Variants in ACER3 observed in about 807,000 individuals in gnomAD.
ACER3 encodes the protein alkCDase 3.
In ACER3, 16 loss-of-function variants were observed where a neutral mutation model predicts 48.9. The observed-to-expected ratio is 0.33, with a 90% CI of 0.22 to 0.50. ACER3 has a LOEUF of 0.50. Ranked by LOEUF, ACER3 falls within the 20% of genes least tolerant of loss-of-function variation. ACER3 has a pLI of 0.98. For synonymous variants in ACER3, 109 were observed against 107.8 expected (o/e 1.01, Z -0.07); for missense variants, 227 against 326.0 (o/e 0.70, Z 2.34).
At chr11:77,011,529 C>T (rs1273450403) in intron 7 of ACER3, among the ~76,000 whole-genome samples, 1 of 152,150 alleles carries the variant, frequency 6.6e-6, no homozygotes, top group African/African-American at 2.4e-5. Flanking sequence ...CAAATGGGGG[C>T]TATGATAAAC....
intron 3 of ACER3, among the ~76,000 whole-genome samples, chr11:76,963,118 C>T (rs1948040665): frequency 6.6e-6 from 1 of 151,188 alleles, no homozygotes; most frequent in African/African-American, 2.5e-5. Flanking sequence ...AGCATAGAAG[C>T]CTTTTGCTCT....
intron 3 of ACER3, among the ~76,000 whole-genome samples, chr11:76,969,836 C>G (rs1482656746): frequency 6.7e-6 from 1 of 150,320 alleles, no homozygotes; most frequent in Non-Finnish European, 1.5e-5. Context: ...AGGAGATATA[C>G]CTAATGCTAA....
At chr11:76,963,157 T>C (rs948463218) in intron 3 of ACER3, among the ~76,000 whole-genome samples, 1 of 151,236 alleles carries the variant, frequency 6.6e-6, no homozygotes, top group African/African-American at 2.5e-5. Context: ...CCCAGGAAGT[T>C]TCCTCCCCTT....
intron 3 of ACER3, among the ~76,000 whole-genome samples, chr11:76,965,625 C>T (rs1489927919): frequency 6.6e-6 from 1 of 151,306 alleles, no homozygotes; most frequent in Non-Finnish European, 1.5e-5. Flanking sequence ...AGAAACTCTA[C>T]AAGCCAGAAG....
At chr11:76,866,956 C>G (rs1945104898) in intron 1 of ACER3, among the ~76,000 whole-genome samples, 1 of 152,054 alleles carries the variant, frequency 6.6e-6, no homozygotes, top group African/African-American at 2.4e-5. Flanking sequence ...CATGCCCAGG[C>G]CATATTTTCT....
intron 1 of ACER3, among the ~76,000 whole-genome samples, chr11:76,903,646 A>C (rs1477564571): frequency 6.6e-6 from 1 of 152,060 alleles, no homozygotes; most frequent in Non-Finnish European, 1.5e-5. Context: ...TGACAACCAG[A>C]TTCTTTTTGC....
At chr11:76,875,056 C>G (rs1237549) in intron 1 of ACER3, among the ~76,000 whole-genome samples, 5 of 136,642 alleles carry the variant, frequency 3.7e-5, no homozygotes, top group Non-Finnish European at 7.9e-5. Context: ...TGAGGACTTT[C>G]TATTGACTAA....
intron 2 of ACER3, among the ~76,000 whole-genome samples, chr11:76,933,927 T>A (rs1947092897): frequency 6.7e-6 from 1 of 149,538 alleles, no homozygotes; most frequent in African/African-American, 2.5e-5. Context: ...CCTCACTTCT[T>A]AGTCGGGGCG....
intron 1 of ACER3, among the ~76,000 whole-genome samples, chr11:76,875,107 C>CTTTTTTTTTTTTTTTTTTTTTTTTT (rs10676364): frequency 3.8e-5 from 3 of 78,096 alleles, no homozygotes; most frequent in African/African-American, 1.1e-4. Flanking sequence ...AAAAGCACTT[C>CTTTTTTTTTTTTTTTTTTTTTTTTT]TTTTTTTTTT....
intron 1 of ACER3, among the ~76,000 whole-genome samples, chr11:76,895,660 A>G (rs1449942957): frequency 6.6e-6 from 1 of 152,138 alleles, no homozygotes; most frequent in African/African-American, 2.4e-5. Flanking sequence ...TGCTTCTTAA[A>G]TTTTTCCACC....
intron 7 of ACER3, among the ~76,000 whole-genome samples, chr11:77,012,416 C>CAAAAAAA (rs35917677): frequency 3.7e-4 from 8 of 21,368 alleles, no homozygotes; most frequent in East Asian, 1.8e-3. Flanking sequence ...GACTCCATCT[C>CAAAAAAA]AAAAAAAAAA....
intron 2 of ACER3, among the ~76,000 whole-genome samples, chr11:76,928,484 T>G (rs1282983752): frequency 1.3e-5 from 2 of 152,228 alleles, no homozygotes; most frequent in South Asian, 2.1e-4. Context: ...CATTTGTCAA[T>G]TTTGGCTTTT....
intron 1 of ACER3, among the ~76,000 whole-genome samples, chr11:76,924,536 T>C (rs1946766632): frequency 6.6e-6 from 1 of 151,966 alleles, no homozygotes; most frequent in Non-Finnish European, 1.5e-5. Context: ...TTAATTTGGC[T>C]TCAGATTTCT....
rs1946369155 is a variant in ACER3, at chr11:76,911,204, T to C, written c.104-15353T>C. On this transcript the variant is annotated intron_variant, in intron 1 of 10. Coordinates refer to ENST00000532485, the MANE Select transcript of ACER3 (RefSeq NM_018367.7). ...GAGGGCTGCTGGTTGGCTATTTTTA[T>C]GGTTATTTATTAATTATATGCTAAA... 2.6e-5 allele frequency among the ~76,000 whole-genome samples: 4 copies of C among 152,268 alleles called. No homozygotes were observed. In the South Asian group the frequency reaches 8.3e-4, roughly 32 times the overall value.
intron 1 of ACER3, among the ~76,000 whole-genome samples, chr11:76,898,809 C>T (rs1329287403): frequency 3.5e-5 from 5 of 142,838 alleles, no homozygotes; most frequent in African/African-American, 1.3e-4. Context: ...GAGGCTGAGG[C>T]AGGAGAATGG....
intron 2 of ACER3, among the ~76,000 whole-genome samples, chr11:76,944,546 C>A (rs58530046): frequency 0.11 from 16,297 of 152,052 alleles, 2,890 homozygotes; most frequent in African/African-American, 0.37. Flanking sequence ...CTCTTCTGGC[C>A]TGTAAGGTTT....
chr11:76,984,411 A>C (rs1948646113), intron 4 of ACER3, among the ~76,000 whole-genome samples: 1 of 152,172 alleles, frequency 6.6e-6, no homozygotes, highest in Non-Finnish European at 1.5e-5. Flanking sequence ...ACAAAATTTA[A>C]AGGTAAAAGA....
intron 5 of ACER3, among the ~76,000 whole-genome samples, chr11:76,988,145 T>C (rs1948723169): frequency 6.6e-6 from 1 of 152,026 alleles, no homozygotes; most frequent in Admixed American, 6.6e-5. Context: ...ACAATGAATA[T>C]TGAGAGCTAA....
At chr11:76,863,632 C>T (rs1007877348) in intron 1 of ACER3, among the ~76,000 whole-genome samples, 1 of 152,004 alleles carries the variant, frequency 6.6e-6, no homozygotes, top group Non-Finnish European at 1.5e-5. Context: ...ATTAACATCA[C>T]GATAGTATTT....
Sources: allele counts gnomAD v4.1 joint callset (sites outside exome capture counted in the v4.1 genomes callset), GRCh38; gene constraint gnomAD v4.1.1; transcripts MANE v1.5; gene names NCBI Gene and HGNC (gene_info 2026-07-23, HGNC 2026-07-21).